Variants in DENND2D observed in about 807,000 individuals in gnomAD.
The protein encoded by DENND2D is DENN domain-containing protein 2D.
DENND2D carries 37 observed loss-of-function variants against 59.8 expected under a neutral mutation model. The ratio of observed to expected loss-of-function variants is 0.62; its 90% CI spans 0.48 to 0.81. DENND2D has a LOEUF of 0.81. Ranked by LOEUF, DENND2D falls within the 40% of genes least tolerant of loss-of-function variation. The pLI is 0.00. For synonymous variants in DENND2D, 219 were observed against 211.3 expected, an observed-to-expected ratio of 1.04 and a Z score of -0.31; for missense variants, 525 against 579.7, an observed-to-expected ratio of 0.91 and a Z score of 0.97.
chr1:111,200,352 G>A, intron 1 of DENND2D, 41 bp downstream of exon 1: 2 of 1,598,288 alleles, frequency 1.3e-6, no homozygotes, highest in Non-Finnish European at 1.7e-6. Context: ...CGCCTAAGAG[G>A]GTCACCCTAA....
At chr1:111,199,373 G>A (rs1485096224) in intron 2 of DENND2D, among the ~76,000 whole-genome samples, 1 of 152,150 alleles carries the variant, frequency 6.6e-6, no homozygotes, top group Non-Finnish European at 1.5e-5. Context: ...AAGGCAAAAT[G>A]TCTAGCCTAG....
rs1329488801 is a variant in DENND2D, at chr1:111,186,181, A to G, written c.*1424T>C. On this transcript the variant is annotated 3_prime_UTR_variant, in exon 12 of 12. Transcript: ENST00000357640. ...TTTCCAGGTCCTATCACTAGAGATG[A>G]TTTGGTGTATTTGTGATGAGGCATA... 6.6e-6 allele frequency among the ~76,000 whole-genome samples: 1 copy of G among 152,190 alleles called. No homozygotes were observed. Among genetic ancestry groups the G allele is most frequent in the African/African-American group, 2.4e-5 (1 of 41,426 alleles).
rs1338345465 is a variant in DENND2D, at chr1:111,194,723, T to C, written c.649A>G (p.Ile217Val). The C allele has an allele frequency of 9.3e-6, 15 of 1,613,624 alleles. No individual in the cohort carries two copies. Among genetic ancestry groups the C allele is most frequent in the Non-Finnish European group, 1.3e-5 (15 of 1,179,920 alleles). Residue 217 changes from isoleucine to valine, a missense_variant, in exon 7 of 12, where the codon ATT becomes GTT. Around this residue, in one of 3 missense-constraint regions of DENND2D, gnomAD observed 47 missense variants for 80.9 expected, o/e 0.58. Transcript: ENST00000357640. ...GAGTCCAGGGGCCGTGTCAGTGAAA[T>C]GAACTGTGGGGAAACCAGAGAGAGA... is the stretch of plus-strand genomic sequence containing the variant. ...SFIPDSGTEFISLTRPLDSHL... is the reference protein window; with the variant it reads ...SFIPDSGTEFVSLTRPLDSHL...
rs199603333 is a variant in DENND2D, at chr1:111,199,751, C to T, written c.115G>A (p.Ala39Thr). 8 of 1,614,092 alleles carry T rather than the reference C, an allele frequency of 5.0e-6. No individual in the cohort carries two copies. The highest frequency in any genetic ancestry group is 1.7e-5 in the Admixed American group (1 of 60,022). ...AAGTTGGGCAAAGAGTGCTCCTGGG[C>T]CCTTTCTGGTTCCTTTAAAGCTTCC... ...SGEALKEPER[A>T]QEHSLPNFAG... Residue 39 changes from alanine (A) to threonine (T), a missense_variant, in exon 2 of 12, where the codon GCC becomes ACC. Physicochemically the swap from Ala to Thr is moderately conservative, Grantham distance 58 (BLOSUM62 0). Around this residue, in one of 3 missense-constraint regions of DENND2D, gnomAD observed 253 missense variants for 246.4 expected, o/e 1.03. Transcript: ENST00000357640.
intron 7 of DENND2D, among the ~76,000 whole-genome samples, chr1:111,193,071 A>C (rs1657926548): frequency 6.6e-6 from 1 of 152,124 alleles, no homozygotes; most frequent in African/African-American, 2.4e-5. Flanking sequence ...CCACATACAC[A>C]CAGTCCCACT....
chr1:111,187,622 C>T lies in DENND2D; in HGVS notation c.1399G>A (p.Glu467Lys). 3 of 1,613,692 alleles carry T rather than the reference C, an allele frequency of 1.9e-6. No homozygotes were observed. Among genetic ancestry groups the T allele is most frequent in the Non-Finnish European group, 1.7e-6 (2 of 1,179,684 alleles). ...CACAGCTCTTATTTCACAGTTTTTT[C>T]CCTTGGTTTCTTCTGTTTCTTCTGT... The part of the protein sequence containing the change: ...EEQKKQKKPR[E>K]KTVK Residue 467 changes from glutamate (E) to lysine (K), a missense_variant, in exon 12 of 12, where the codon GAA becomes AAA. Around this residue, in one of 3 missense-constraint regions of DENND2D, gnomAD observed 225 missense variants for 252.4 expected, o/e 0.89. Transcript: ENST00000357640.
chr1:111,201,617 T>A (rs1232191177), upstream of DENND2D, among the ~76,000 whole-genome samples: 1 of 152,128 alleles, frequency 6.6e-6, no homozygotes, highest in African/African-American at 2.4e-5. Context: ...AACCCCTGAA[T>A]GAGTAAATAC....
chr1:111,190,874 C>T (rs1461319477), intron 8 of DENND2D, among the ~76,000 whole-genome samples: 1 of 152,204 alleles, frequency 6.6e-6, no homozygotes, highest in East Asian at 1.9e-4. Context: ...GCTCAGATGC[C>T]TTCATGAAGG....
chr1:111,199,760 G>C lies in DENND2D; in HGVS notation c.106C>G (p.Pro36Ala), dbSNP rs763345567. 6.2e-7 allele frequency: 1 copy of C among 1,614,096 alleles called. No homozygotes were observed. The highest frequency in any genetic ancestry group is 2.2e-5 in the East Asian group (1 of 44,866). ...QDNSGEALKE[P>A]ERAQEHSLPN... ...AAAGAGTGCTCCTGGGCCCTTTCTG[G>C]TTCCTTTAAAGCTTCCCCTGAATTG... The change falls in exon 2 of 12, where the codon CCA (proline) becomes GCA (alanine). Residue 36 changes from proline to alanine, a missense_variant. Coordinates refer to ENST00000357640, the MANE Select transcript of DENND2D (RefSeq NM_024901.5).
In DENND2D at chr1:111,192,261, G is replaced by A. The variant is rs893013619; in HGVS notation, c.851C>T (p.Ala284Val). The A allele has an allele frequency of 5.0e-6, 8 of 1,613,790 alleles. No individual in the cohort carries two copies. The highest frequency in any genetic ancestry group is 2.2e-5 in the East Asian group (1 of 44,888). Residue 284 changes from alanine (A) to valine (V), a missense_variant, in exon 8 of 12, where the codon GCG (alanine) becomes GTG (valine). Ala to Val is a moderately conservative substitution (Grantham distance 64). Around this residue, in one of 3 missense-constraint regions of DENND2D, gnomAD observed 225 missense variants for 252.4 expected, o/e 0.89. Transcript: ENST00000357640. ...AGGGACAACAGGGATGTAGGTGTGC[G>A]CCCAGCTGAAGGGGTAGAGCAGTGC... The part of the protein sequence containing the change: ...AAALLYPFSW[A>V]HTYIPVVPES...
chr1:111,192,998 T>A (rs1489998022), intron 7 of DENND2D, among the ~76,000 whole-genome samples: 2 of 152,188 alleles, frequency 1.3e-5, no homozygotes, highest in African/African-American at 4.8e-5. Flanking sequence ...CTCAAGACTT[T>A]CCAGTGAAGC....
intron 10 of DENND2D, 144 bp from the exon 11 acceptor site, chr1:111,188,514 A>G (rs1488306194): frequency 7.6e-7 from 1 of 1,324,130 alleles, no homozygotes; most frequent in East Asian, 2.3e-5. Context: ...TGAGATGGGA[A>G]TCTGGGTATG....
In DENND2D at chr1:111,199,678, T is replaced by C; in HGVS notation, c.188A>G (p.Lys63Arg). The change falls in exon 2 of 12, where the codon AAA (lysine) becomes AGA (arginine). Residue 63 changes from lysine to arginine, a missense_variant. Transcript: ENST00000357640. ...FFEYLLVVSLKKKRSEDDYEP... is the reference protein window; with the variant it reads ...FFEYLLVVSLRKKRSEDDYEP... The stretch of plus-strand genomic sequence containing the variant: ...GTAATCATCCTCTGAACGCTTCTTT[T>C]TGAGAGAAACCACAAGAAGGTATTC... 4 of 1,614,112 alleles carry C rather than the reference T, an allele frequency of 2.5e-6. No homozygotes were observed. Among genetic ancestry groups the C allele is most frequent in the Non-Finnish European group, 2.5e-6 (3 of 1,180,032 alleles).
In DENND2D at chr1:111,199,507, G is replaced by A. The variant is rs372609673; in HGVS notation, c.243+116C>T. On this transcript the variant is annotated intron_variant, in intron 2 of 11. Transcript: ENST00000357640. ...GGAGAGCAGTGAGCTCAGAGCTCAGGGCAGCTCCAGGCTCAAGCCCCGGTA... is the reference window on the plus strand; with the variant it reads ...GGAGAGCAGTGAGCTCAGAGCTCAGAGCAGCTCCAGGCTCAAGCCCCGGTA... 53 of 1,190,262 alleles carry A rather than the reference G, an allele frequency of 4.5e-5. 1 individual carries two copies. The East Asian group carries it at 5.2e-4, about 12-fold the overall frequency. The allele number at this position is 1,190,262 out of a possible 1,614,324, so 73.7% of individuals were successfully genotyped here. A position where few individuals can be genotyped will look rare whatever the true frequency, so the allele number is the denominator to read the frequency against.
rs769841855 is a variant in DENND2D, at chr1:111,186,049, G to C, written c.*1556C>G. On this transcript the variant is annotated 3_prime_UTR_variant, in exon 12 of 12. Coordinates refer to ENST00000357640, the MANE Select transcript of DENND2D (RefSeq NM_024901.5). ...AATCTGAAAAGCACTCAGATATTTAGTGTGTGCTTCCTTCAGCCCTAAATA... is the reference window on the plus strand; with the variant it reads ...AATCTGAAAAGCACTCAGATATTTACTGTGTGCTTCCTTCAGCCCTAAATA... Among the ~76,000 whole-genome samples the C allele has an allele frequency of 1.3e-5, 2 of 152,182 alleles. No individual in the cohort carries two copies. Among genetic ancestry groups the C allele is most frequent in the Non-Finnish European group, 2.9e-5 (2 of 68,040 alleles).
At chr1:111,190,107 T>C (rs1657613842) in intron 8 of DENND2D, among the ~76,000 whole-genome samples, 2 of 140,130 alleles carry the variant, frequency 1.4e-5, no homozygotes, top group African/African-American at 5.5e-5. Flanking sequence ...GAGCTTGCGG[T>C]GAGCCGAGAT....
chr1:111,199,777 C>T lies in DENND2D; in HGVS notation c.89G>A (p.Gly30Glu). ...LRAGPPQDNS[G>E]EALKEPERAQ... ...CCTTTCTGGTTCCTTTAAAGCTTCC[C>T]CTGAATTGTCCTGGGGTGGTCCTGA... Residue 30 changes from glycine to glutamate, a missense_variant, in exon 2 of 12, where the codon GGG becomes GAG. Around this residue, in one of 3 missense-constraint regions of DENND2D, gnomAD observed 253 missense variants for 246.4 expected, o/e 1.03. Transcript: ENST00000357640. 6.2e-7 allele frequency: 1 copy of T among 1,613,902 alleles called. No homozygotes were observed.
At chr1:111,196,876 G>A (rs1380019509) in intron 5 of DENND2D, 7 of 364,870 alleles carry the variant, frequency 1.9e-5, no homozygotes, top group African/African-American at 8.2e-5. Flanking sequence ...TCCATTCGAC[G>A]GATGAGGAAA....
upstream of DENND2D, chr1:111,204,195 G>C: frequency 1.6e-6 from 2 of 1,262,488 alleles, no homozygotes; most frequent in South Asian, 3.8e-5. Context: ...CCCGGATCTC[G>C]ACGCCCCGTG....
Sources: gnomAD v4.1 joint callset for allele counts (sites outside exome capture counted in the v4.1 genomes callset) on GRCh38, gnomAD v4.1.1 for gene constraint, gnomAD v4.1.1 regional missense constraint, MANE v1.5 for transcripts, NCBI Gene and HGNC (gene_info 2026-07-23, HGNC 2026-07-21) for gene names.